Variants in CORO1C observed in about 807,000 individuals in gnomAD.
CORO1C encodes coronin 1C, also known as coronin-1C.
CORO1C carries 14 observed loss-of-function variants against 51.2 expected under a neutral mutation model. The observed-to-expected ratio is 0.27, with a 90% confidence interval of 0.18 to 0.43. The LOEUF (loss-of-function observed/expected upper bound fraction) is 0.43. CORO1C is among the 20% of genes least tolerant of loss of function. CORO1C has a pLI of 1.00. For missense variants in CORO1C, 417 were observed against 607.8 expected, an observed-to-expected ratio of 0.69 and a Z score of 3.30; for synonymous variants, 181 against 210.5, an observed-to-expected ratio of 0.86 and a Z score of 1.21.
intron 3 of CORO1C, among the ~76,000 whole-genome samples, chr12:108,663,931 G>A (rs1380285798): frequency 6.6e-6 from 1 of 152,166 alleles, no homozygotes; most frequent in Non-Finnish European, 1.5e-5. Flanking sequence ...CTGGGCACAG[G>A]GGGAGAAAGG....
chr12:108,652,527 T>A, intron 7 of CORO1C, 110 bp from the exon 8 acceptor site: 2 of 789,744 alleles, frequency 2.5e-6, no homozygotes, highest in Non-Finnish European at 4.2e-6. Flanking sequence ...CCCGCTTCAG[T>A]AGCTGACCTT....
chr12:108,684,146 G>A (rs141740083), intron 2 of CORO1C, among the ~76,000 whole-genome samples: 1 of 152,054 alleles, frequency 6.6e-6, no homozygotes, highest in Non-Finnish European at 1.5e-5. Context: ...CACAAGCAGA[G>A]AACTCACAGC....
At chr12:108,693,283 G>A (rs1236814362) in intron 2 of CORO1C, among the ~76,000 whole-genome samples, 1 of 152,202 alleles carries the variant, frequency 6.6e-6, no homozygotes, top group African/African-American at 2.4e-5. Context: ...CTGTAGAACA[G>A]AGGAATGATC....
chr12:108,717,320 C>T (rs1366857204), intron 1 of CORO1C, among the ~76,000 whole-genome samples: 3 of 152,192 alleles, frequency 2.0e-5, no homozygotes, highest in Non-Finnish European at 4.4e-5. Context: ...CAGCAGAACC[C>T]GGATCACAGA....
At chr12:108,673,438 T>A (rs1311264228) in intron 3 of CORO1C, among the ~76,000 whole-genome samples, 2 of 152,198 alleles carry the variant, frequency 1.3e-5, no homozygotes, top group African/African-American at 4.8e-5. Flanking sequence ...ATCTCCATTA[T>A]ATAAAAGTAC....
intron 2 of CORO1C, among the ~76,000 whole-genome samples, chr12:108,690,891 T>C (rs1030234726): frequency 7.2e-5 from 11 of 152,044 alleles, no homozygotes; most frequent in Non-Finnish European, 1.6e-4. Context: ...AATCAGAAAA[T>C]AGAGAAACTG....
intron 3 of CORO1C, among the ~76,000 whole-genome samples, chr12:108,674,628 GA>G (rs2033840466): frequency 6.6e-6 from 1 of 152,038 alleles, no homozygotes; most frequent in South Asian, 2.1e-4. Context: ...ATGATTCGTG[GA>G]AGGAGTTCTA....
intron 1 of CORO1C, among the ~76,000 whole-genome samples, chr12:108,726,228 T>C (rs976389532): frequency 9.9e-5 from 15 of 151,988 alleles, no homozygotes; most frequent in African/African-American, 3.6e-4. Context: ...TCATCCTGGC[T>C]AACACAGTGA....
intron 1 of CORO1C, 159 bp from the exon 2 acceptor site, chr12:108,701,482 C>T: frequency 2.6e-6 from 3 of 1,137,254 alleles, no homozygotes; most frequent in Non-Finnish European, 3.7e-6. Flanking sequence ...CTTTTAGCAG[C>T]ACATACCCGG....
intron 1 of CORO1C, among the ~76,000 whole-genome samples, chr12:108,711,679 CAAA>C (rs766919638): frequency 3.3e-5 from 2 of 60,520 alleles, no homozygotes; most frequent in Non-Finnish European, 6.7e-5. Flanking sequence ...AACTCCGTCT[CAAA>C]AAAAAAAAAA....
Position 108,655,939 on chromosome 12 carries a change from G to A in CORO1C, c.750+1365C>T, listed in dbSNP as rs1192076706. Among the ~76,000 whole-genome samples, 5 of 150,102 alleles carry A rather than the reference G, an allele frequency of 3.3e-5. No homozygotes were observed. In the East Asian group the frequency reaches 1.0e-3, roughly 30 times the overall value. On this transcript the variant is annotated intron_variant, in intron 6 of 10. Transcript: ENST00000261401. ...CCATCCCGTCTAGGAAGTGAGGAGC[G>A]TCTCTGCCCGGCCGCCCATCGTCTG...
intron 1 of CORO1C, among the ~76,000 whole-genome samples, chr12:108,718,396 G>A (rs1466125130): frequency 2.7e-5 from 4 of 150,258 alleles, no homozygotes; most frequent in African/African-American, 7.3e-5. Context: ...ACAAAAATTA[G>A]TGGGGTGTGG....
At chr12:108,720,976 G>A (rs567835527) in intron 1 of CORO1C, among the ~76,000 whole-genome samples, 8 of 152,242 alleles carry the variant, frequency 5.3e-5, no homozygotes, top group African/African-American at 1.9e-4. Context: ...CTATGCACCA[G>A]GCAATATGCT....
chr12:108,714,549 T>C (rs1333040165), intron 1 of CORO1C, among the ~76,000 whole-genome samples: 2 of 151,292 alleles, frequency 1.3e-5, no homozygotes, highest in African/African-American at 4.9e-5. Flanking sequence ...GAGGCTGAGC[T>C]CAGGAGTTGG....
chr12:108,686,456 T>C (rs1308680598), intron 2 of CORO1C, among the ~76,000 whole-genome samples: 2 of 152,236 alleles, frequency 1.3e-5, no homozygotes, highest in Non-Finnish European at 2.9e-5. Flanking sequence ...AAACTTCACT[T>C]TACTAACAGA....
chr12:108,685,863 A>G (rs952703079), intron 2 of CORO1C, among the ~76,000 whole-genome samples: 3 of 152,104 alleles, frequency 2.0e-5, no homozygotes, highest in Non-Finnish European at 2.9e-5. Flanking sequence ...TTAAAGGTAC[A>G]CTGATTATTT....
At chr12:108,667,111 G>A (rs1322776116) in intron 3 of CORO1C, among the ~76,000 whole-genome samples, 1 of 150,812 alleles carries the variant, frequency 6.6e-6, no homozygotes, top group African/African-American at 2.4e-5. Context: ...TTTTCATGAT[G>A]ACTTTTTTTG....
At chr12:108,725,896 C>T (rs1239362791) in intron 1 of CORO1C, among the ~76,000 whole-genome samples, 2 of 152,092 alleles carry the variant, frequency 1.3e-5, no homozygotes, top group Non-Finnish European at 2.9e-5. Flanking sequence ...AGTGTGATGG[C>T]GCAGTCTAGG....
intron 2 of CORO1C, among the ~76,000 whole-genome samples, chr12:108,699,153 A>G (rs2034785960): frequency 6.6e-6 from 1 of 152,230 alleles, no homozygotes; most frequent in Non-Finnish European, 1.5e-5. Flanking sequence ...CCTAGTTCCC[A>G]TAATGCTGGT....
Sources: allele counts gnomAD v4.1 joint callset (sites outside exome capture counted in the v4.1 genomes callset), GRCh38; gene constraint gnomAD v4.1.1; transcripts MANE v1.5; gene names NCBI Gene and HGNC (gene_info 2026-07-23, HGNC 2026-07-21).